The following TNC variants were observed in gnomAD, a reference collection of about 807,000 sequenced individuals.
The protein encoded by TNC is tenascin C.
TNC carries 109 observed loss-of-function variants against 202.4 expected under a neutral mutation model. That is an observed-to-expected ratio of 0.54 (90% CI 0.46 to 0.63). The LOEUF (loss-of-function observed/expected upper bound fraction) is 0.63, where lower values mean the gene tolerates loss of function less well. Among genes scored for constraint, TNC ranks in the 30% least tolerant of loss-of-function variants. The pLI, the probability that TNC is intolerant of heterozygous loss-of-function variation, is 0.00. For synonymous variants in TNC, 1,007 were observed against 1,089.7 expected, an observed-to-expected ratio of 0.92 and a Z score of 1.50; for missense variants, 2,756 against 2,833.3, an observed-to-expected ratio of 0.97 and a Z score of 0.62.
chr9:115,075,958 G>A, intron 9 of TNC, 74 bp downstream of exon 9: 1 of 1,327,164 alleles, frequency 7.5e-7, no homozygotes, highest in South Asian at 1.2e-5. Flanking sequence ...CTTTAAATAG[G>A]TTTTGGCCAC....
chr9:115,027,102 C>T (rs564603005), intron 25 of TNC, among the ~76,000 whole-genome samples: 1 of 122,420 alleles, frequency 8.2e-6, no homozygotes, highest in Non-Finnish European at 1.7e-5. Context: ...GAGCAAGACT[C>T]CATCTCAGAA....
intron 8 of TNC, 130 bp from the exon 9 acceptor site, chr9:115,076,251 C>A: frequency 7.1e-7 from 1 of 1,403,062 alleles, no homozygotes; most frequent in Non-Finnish European, 1.0e-6. Flanking sequence ...AAAGAACTCA[C>A]TGCAATCCAA....
chr9:115,069,558 G>A (rs116406097), intron 10 of TNC, among the ~76,000 whole-genome samples: 128 of 147,538 alleles, frequency 8.7e-4, no homozygotes, highest in African/African-American at 3.2e-3. Context: ...CAACAGACAC[G>A]GTACCTTTCG....
At chr9:115,030,441 C>T (rs1564408717) in intron 23 of TNC, 36 bp from the exon 24 acceptor site, 1 of 1,586,878 alleles carries the variant, frequency 6.3e-7, no homozygotes, top group Admixed American at 1.7e-5. Flanking sequence ...GCTCTCAGTG[C>T]AGGAGGACTG....
chr9:115,029,079 G>A (rs1829753382), intron 25 of TNC, among the ~76,000 whole-genome samples: 1 of 143,496 alleles, frequency 7.0e-6, no homozygotes, highest in African/African-American at 2.6e-5. Context: ...GGCTGTTCCT[G>A]TGGCTTTGTG....
chr9:115,086,295 C>T lies in TNC; in HGVS notation c.1436G>A (p.Arg479His). 4 of 1,614,200 alleles carry T rather than the reference C, an allele frequency of 2.5e-6. No homozygotes were observed. Among genetic ancestry groups the T allele is most frequent in the Middle Eastern group, 1.6e-4 (1 of 6,062 alleles). Reference protein sequence around the residue: ...SCPNDCHQHGRCVNGMCVCDD... With the variant: ...SCPNDCHQHGHCVNGMCVCDD... The stretch of plus-strand genomic sequence containing the variant: ...ACAAACACACATGCCATTCACACAG[C>T]GGCCGTGCTGGTGACAGTCATTAGG... The change falls in exon 3 of 28, where the codon CGC (arginine) becomes CAC (histidine). Residue 479 changes from arginine to histidine, a missense_variant. Transcript: ENST00000350763.
At chr9:115,071,565 G>A (rs1396535499) in intron 10 of TNC, among the ~76,000 whole-genome samples, 1 of 152,144 alleles carries the variant, frequency 6.6e-6, no homozygotes, top group Non-Finnish European at 1.5e-5. Context: ...TGACTGCGCA[G>A]GTGTGAGGTT....
At chr9:115,091,623 C>T (rs1038027289) in intron 1 of TNC, among the ~76,000 whole-genome samples, 2 of 152,036 alleles carry the variant, frequency 1.3e-5, no homozygotes, top group African/African-American at 2.4e-5. Flanking sequence ...TTATAAAGGC[C>T]CTGGTCCCGG....
chr9:115,041,314 G>A lies in TNC; in HGVS notation c.5249-230C>T, dbSNP rs58156981. ...AAAAACAAAGCCAGGAGGGGCGGGGGAAAACATGAAGTCACAACGTACTAA... is the reference window on the plus strand; with the variant it reads ...AAAAACAAAGCCAGGAGGGGCGGGGAAAAACATGAAGTCACAACGTACTAA... On this transcript the variant is annotated intron_variant, in intron 18 of 27. Transcript: ENST00000350763. 0.18 allele frequency among the ~76,000 whole-genome samples: 23,593 copies of A among 131,694 alleles called. 2,500 individuals carry two copies. Among genetic ancestry groups the A allele is most frequent in the Middle Eastern group, 0.26 (67 of 254 alleles). 86.4% of individuals were successfully genotyped at this position (131,694 alleles called of 152,430 possible).
At chr9:115,071,114 T>A (rs1254399377) in intron 10 of TNC, among the ~76,000 whole-genome samples, 3 of 152,352 alleles carry the variant, frequency 2.0e-5, no homozygotes, top group South Asian at 4.1e-4. Flanking sequence ...TTCTTTGCTC[T>A]AGTAACCCCA....
chr9:115,077,427 A>G lies in TNC; in HGVS notation c.2674+516T>C, dbSNP rs552845431. Among the ~76,000 whole-genome samples the G allele has an allele frequency of 8.3e-4, 125 of 151,416 alleles. 1 individual carries two copies. Among genetic ancestry groups the G allele is most frequent in the African/African-American group, 2.9e-3 (118 of 41,200 alleles). ...AGGATGGTCTCCATCTCTTGACCTC[A>G]TGATCTGCCTGCATCAGCCTGCCAA... is the stretch of plus-strand genomic sequence containing the variant. On this transcript the variant is annotated intron_variant, in intron 7 of 27. Transcript: ENST00000350763.
At chr9:115,073,988 C>T (rs1484166102) in intron 9 of TNC, 122 bp from the exon 10 acceptor site, 14 of 958,676 alleles carry the variant, frequency 1.5e-5, no homozygotes, top group Non-Finnish European at 2.1e-5. Flanking sequence ...TGAGGGACCA[C>T]AGGAGAGTCA....
intron 1 of TNC, among the ~76,000 whole-genome samples, chr9:115,092,063 T>G (rs911573760): frequency 6.6e-6 from 1 of 152,062 alleles, no homozygotes; most frequent in Non-Finnish European, 1.5e-5. Flanking sequence ...GACTTAACAA[T>G]AGAATTAAGA....
intron 13 of TNC, among the ~76,000 whole-genome samples, chr9:115,062,549 C>A (rs1276818536): frequency 6.7e-6 from 1 of 149,662 alleles, no homozygotes; most frequent in Admixed American, 6.7e-5. Context: ...TTCGAGGCTG[C>A]AGTGAGCCAT....
At chr9:115,077,369 T>G (rs1207374473) in intron 7 of TNC, among the ~76,000 whole-genome samples, 1 of 152,170 alleles carries the variant, frequency 6.6e-6, no homozygotes, top group East Asian at 1.9e-4. Flanking sequence ...ATTTTTGTAC[T>G]TTTAGTAGAG....
chr9:115,043,857 T>C (rs1450020747), intron 17 of TNC, among the ~76,000 whole-genome samples: 1 of 152,244 alleles, frequency 6.6e-6, no homozygotes, highest in African/African-American at 2.4e-5. Flanking sequence ...TTGGTGTAGG[T>C]ACATTTTAGT....
At chr9:115,028,678 T>C (rs1490978994) in intron 25 of TNC, among the ~76,000 whole-genome samples, 1 of 152,056 alleles carries the variant, frequency 6.6e-6, no homozygotes, top group African/African-American at 2.4e-5. Flanking sequence ...GCCTCTCCTT[T>C]TGTCCCTAAG....
chr9:115,102,892 G>T (rs1291738909), intron 1 of TNC, among the ~76,000 whole-genome samples: 2 of 152,132 alleles, frequency 1.3e-5, no homozygotes, highest in Non-Finnish European at 2.9e-5. Flanking sequence ...TGTATTTCTT[G>T]GTTTGAACTT....
rs547525302 is a variant in TNC, at chr9:115,046,660, G to A, written c.4875C>T (p.Asn1625=). ...IVTEAEPEVD[N]LLVSDATPDG... Reference sequence around the variant, plus strand: ...CTGGGGTGGCATCTGAAACCAGAAGGTTGTCAACTTCCGGTTCGGCTTCTA... The same window carrying A: ...CTGGGGTGGCATCTGAAACCAGAAGATTGTCAACTTCCGGTTCGGCTTCTA... Residue 1625 remains asparagine (N), a synonymous_variant, in exon 17 of 28, where the codon AAC becomes AAT. Transcript: ENST00000350763. 5.0e-6 allele frequency: 8 copies of A among 1,613,380 alleles called. No individual in the cohort carries two copies. In the South Asian group the frequency reaches 6.6e-5, roughly 13 times the overall value.
Sources: gnomAD v4.1 joint callset for allele counts (sites outside exome capture counted in the v4.1 genomes callset) on GRCh38, gnomAD v4.1.1 for gene constraint, MANE v1.5 for transcripts, NCBI Gene and HGNC (gene_info 2026-07-23, HGNC 2026-07-21) for gene names.